SV2B: variants seen among roughly 807,000 people sequenced by gnomAD.
SV2B encodes the protein synaptic vesicle glycoprotein 2B.
SV2B carries 41 observed loss-of-function variants against 73.9 expected under a neutral mutation model. The ratio of observed to expected loss-of-function variants is 0.56; its 90% CI spans 0.43 to 0.72. The LOEUF (loss-of-function observed/expected upper bound fraction) is 0.72. Ranked by LOEUF, SV2B falls within the 30% of genes least tolerant of loss-of-function variation. SV2B has a pLI of 0.00. For synonymous variants in SV2B, 314 were observed against 314.2 expected (o/e 1.00, Z 0.01); for missense variants, 764 against 857.8 (o/e 0.89, Z 1.37).
At chr15:91,135,607 C>T (rs1334209260) in intron 1 of SV2B, among the ~76,000 whole-genome samples, 1 of 152,314 alleles carries the variant, frequency 6.6e-6, no homozygotes, top group South Asian at 2.1e-4. Flanking sequence ...CAGCGTCTGT[C>T]TGATATGAAA....
Position 91,268,498 on chromosome 15 carries a change from A to AT in SV2B, c.1267dup (p.Tyr423LeufsTer4). The AT allele has an allele frequency of 6.2e-7, 1 of 1,614,194 alleles. No homozygotes were observed. Among genetic ancestry groups the AT allele is most frequent in the South Asian group, 1.1e-5 (1 of 91,084 alleles). On this transcript the variant is annotated frameshift_variant, in exon 9 of 13. Transcript: ENST00000394232. LOFTEE classifies it high-confidence loss of function. The surrounding 1 kb of genome is among the most constrained non-coding windows in gnomAD (Gnocchi z 4.4). ...TGATCCGCTATTTTCAAGATGAAGAATACAAGTCTAAAATGAAGGTGTTTT... is the reference window on the plus strand; with the variant it reads ...TGATCCGCTATTTTCAAGATGAAGAATTACAAGTCTAAAATGAAGGTGTTTT...
intron 1 of SV2B, among the ~76,000 whole-genome samples, chr15:91,134,325 ACTT>A (rs2042751889): frequency 6.6e-6 from 1 of 151,562 alleles, no homozygotes; most frequent in Non-Finnish European, 1.5e-5. Flanking sequence ...TCATCACTCA[ACTT>A]CTTCTTTCCC....
At chr15:91,161,620 T>A (rs1191879647) in intron 1 of SV2B, among the ~76,000 whole-genome samples, 6 of 152,348 alleles carry the variant, frequency 3.9e-5, no homozygotes, top group Non-Finnish European at 7.3e-5. Flanking sequence ...GATGCCATTA[T>A]CATCCCCGTT....
chr15:91,207,499 T>C (rs11073986), intron 1 of SV2B, among the ~76,000 whole-genome samples: 31,114 of 151,908 alleles, frequency 0.2, 4,634 homozygotes, highest in African/African-American at 0.43. Flanking sequence ...GGAAACAATT[T>C]GTTCGCCGGC....
At chr15:91,170,203 T>C (rs966081239) in intron 1 of SV2B, among the ~76,000 whole-genome samples, 7 of 152,216 alleles carry the variant, frequency 4.6e-5, no homozygotes, top group Non-Finnish European at 1.5e-5. Flanking sequence ...CATGGGTTGG[T>C]ATAATTCCAG....
chr15:91,118,296 G>A lies in SV2B; in HGVS notation c.-392+17933G>A, dbSNP rs1386314563. Among the ~76,000 whole-genome samples the A allele has an allele frequency of 6.6e-6, 1 of 152,174 alleles. No individual in the cohort carries two copies. Among genetic ancestry groups the A allele is most frequent in the Non-Finnish European group, 1.5e-5 (1 of 68,042 alleles). On this transcript the variant is annotated intron_variant, in intron 1 of 12. Coordinates refer to ENST00000394232, the MANE Select transcript of SV2B (RefSeq NM_001323032.3). This position sits in a 1 kb window ranked among gnomAD's most constrained non-coding sequence, Gnocchi z 4.7. ...GAGAGTGCTTTAGAGGGTTTGATGT[G>A]TGCCCTGGAGTTTGGGGCATAGAAG... is the stretch of plus-strand genomic sequence containing the variant.
In SV2B at chr15:91,234,048, T is replaced by A. The variant is rs1042787592; in HGVS notation, c.451+7334T>A. ...AAATTCTGCATTTAATGTTGCAGCTTGTAGGGCTGGAAAAAACTCTACTAT... is the reference window on the plus strand; with the variant it reads ...AAATTCTGCATTTAATGTTGCAGCTAGTAGGGCTGGAAAAAACTCTACTAT... On this transcript the variant is annotated intron_variant, in intron 2 of 12. Coordinates refer to ENST00000394232, the MANE Select transcript of SV2B (RefSeq NM_001323032.3). This position sits in a 1 kb window ranked among gnomAD's most constrained non-coding sequence, Gnocchi z 5.6. Among the ~76,000 whole-genome samples the A allele has an allele frequency of 6.6e-6, 1 of 152,226 alleles. No homozygotes were observed. The highest frequency in any genetic ancestry group is 6.5e-5 in the Admixed American group (1 of 15,282).
chr15:91,191,614 T>C (rs2045034541), intron 1 of SV2B, among the ~76,000 whole-genome samples: 1 of 152,222 alleles, frequency 6.6e-6, no homozygotes, highest in African/African-American at 2.4e-5. Flanking sequence ...CAGCTCTGTA[T>C]TGAAGTCTCT....
intron 1 of SV2B, among the ~76,000 whole-genome samples, chr15:91,162,381 A>G (rs1030358719): frequency 3.4e-4 from 52 of 152,240 alleles, no homozygotes; most frequent in African/African-American, 1.2e-3. Context: ...ATATTTTGCT[A>G]CATCAAAATA....
chr15:91,220,617 C>A lies in SV2B; in HGVS notation c.-391-5256C>A, dbSNP rs539138782. ...GATTTTGAGTCATATAGCATAGATG[C>A]GGAGGCTAATAGAATGTAAAAGTTA... On this transcript the variant is annotated intron_variant, in intron 1 of 12. Transcript: ENST00000394232. This position sits in a 1 kb window ranked among gnomAD's most constrained non-coding sequence, Gnocchi z 4.1. Among the ~76,000 whole-genome samples the A allele has an allele frequency of 6.6e-6, 1 of 152,126 alleles. No homozygotes were observed. The highest frequency in any genetic ancestry group is 1.5e-5 in the Non-Finnish European group (1 of 68,024).
Position 91,298,818 on chromosome 15 carries a change from G to T in SV2B, c.*6266G>T, listed in dbSNP as rs574286927. ...TCACCACATTTGATGATTTTGCTAGGTAGGGAGGTTTATTTAATCACAGCT... is the reference window on the plus strand; with the variant it reads ...TCACCACATTTGATGATTTTGCTAGTTAGGGAGGTTTATTTAATCACAGCT... On this transcript the variant is annotated 3_prime_UTR_variant, in exon 13 of 13. Transcript: ENST00000394232. This position sits in a 1 kb window ranked among gnomAD's most constrained non-coding sequence, Gnocchi z 5.4. 12 of 152,274 alleles carry T rather than the reference G, an allele frequency of 7.9e-5. No homozygotes were observed. The highest frequency in any genetic ancestry group is 1.8e-4 in the Non-Finnish European group (12 of 68,030). 9.4% of individuals were successfully genotyped at this position (152,274 alleles called of 1,614,324 possible).
At position 91,290,085 on chromosome 15, in the gene SV2B, G is replaced by A. The variant is rs1374441003; in HGVS notation, c.1868+405G>A. ...AATAAAGGTCGGGAGGCAGCATGAAGTCCAGGGAATCTGCAGAGAATGTGG... is the reference window on the plus strand; with the variant it reads ...AATAAAGGTCGGGAGGCAGCATGAAATCCAGGGAATCTGCAGAGAATGTGG... On this transcript the variant is annotated intron_variant, in intron 12 of 12. Transcript: ENST00000394232. This position sits in a 1 kb window ranked among gnomAD's most constrained non-coding sequence, Gnocchi z 4.7. 2.6e-5 allele frequency among the ~76,000 whole-genome samples: 4 copies of A among 152,214 alleles called. No homozygotes were observed. Among genetic ancestry groups the A allele is most frequent in the Non-Finnish European group, 5.9e-5 (4 of 68,034 alleles).
chr15:91,289,671 C>A lies in SV2B; in HGVS notation c.1859C>A (p.Thr620Asn). Reference protein sequence around the residue: ...LDVITVELYPTNQRATAFGIL... With the variant: ...LDVITVELYPNNQRATAFGIL... ...GTGATCACAGTGGAGCTGTATCCCA[C>A]CAACCAGAGGTCAGTTCTTCCCCAG... Residue 620 changes from threonine to asparagine, a missense_variant, in exon 12 of 13, where the codon ACC becomes AAC. Thr to Asn is a moderately conservative substitution (Grantham distance 65, BLOSUM62 0). Coordinates refer to ENST00000394232, the MANE Select transcript of SV2B (RefSeq NM_001323032.3). This position sits in a 1 kb window ranked among gnomAD's most constrained non-coding sequence, Gnocchi z 4.9. 6.2e-7 allele frequency: 1 copy of A among 1,612,948 alleles called. No homozygotes were observed. Among genetic ancestry groups the A allele is most frequent in the Non-Finnish European group, 8.5e-7 (1 of 1,179,754 alleles).
Position 91,252,529 on chromosome 15 carries a change from T to A in SV2B, c.784+9T>A. On this transcript the variant is annotated intron_variant, in intron 4 of 12. Transcript: ENST00000394232. This position sits in a 1 kb window ranked among gnomAD's most constrained non-coding sequence, Gnocchi z 4.6. ...CATCATCCCACACTATGGTGAGTCA[T>A]GGCTCCAAACAGCCTAGGGGGCCCT... 6.3e-7 allele frequency: 1 copy of A among 1,595,362 alleles called. No individual in the cohort carries two copies.
At chr15:91,160,268 A>G (rs754161404) in intron 1 of SV2B, among the ~76,000 whole-genome samples, 35 of 152,224 alleles carry the variant, frequency 2.3e-4, no homozygotes, top group African/African-American at 4.8e-5. Flanking sequence ...GGCTGAGAAA[A>G]TTTTGATAAA....
chr15:91,293,777 G>T lies in SV2B; in HGVS notation c.*1225G>T, dbSNP rs968292244. On this transcript the variant is annotated 3_prime_UTR_variant, in exon 13 of 13. Transcript: ENST00000394232. ...AGGTCTCATGAGAAATCTATGCTATGTGTCCAGAGCTTTTGAAACAGAGTC... is the reference window on the plus strand; with the variant it reads ...AGGTCTCATGAGAAATCTATGCTATTTGTCCAGAGCTTTTGAAACAGAGTC... The T allele has an allele frequency of 6.6e-6, 1 of 152,234 alleles. No individual in the cohort carries two copies. Among genetic ancestry groups the T allele is most frequent in the African/African-American group, 2.4e-5 (1 of 41,462 alleles). 9.4% of individuals were successfully genotyped at this position (152,234 alleles called of 1,614,324 possible).
Position 91,265,710 on chromosome 15 carries a change from G to A in SV2B, c.1009-872G>A, listed in dbSNP as rs1048362702. On this transcript the variant is annotated intron_variant, in intron 6 of 12. Transcript: ENST00000394232. This position sits in a 1 kb window ranked among gnomAD's most constrained non-coding sequence, Gnocchi z 4.2. ...GAAGCTTCTCTGTCTGACCTCAGGC[G>A]GAAGATCATTTGCAAAGGCTGCATA... is the stretch of plus-strand genomic sequence containing the variant. Among the ~76,000 whole-genome samples, 17 of 152,308 alleles carry A rather than the reference G, an allele frequency of 1.1e-4. No homozygotes were observed. The highest frequency in any genetic ancestry group is 1.9e-4 in the East Asian group (1 of 5,168).
In SV2B at chr15:91,128,032, A is replaced by T. The variant is rs1477951368; in HGVS notation, c.-392+27669A>T. On this transcript the variant is annotated intron_variant, in intron 1 of 12. Coordinates refer to ENST00000394232, the MANE Select transcript of SV2B (RefSeq NM_001323032.3). The surrounding 1 kb of genome is among the most constrained non-coding windows in gnomAD (Gnocchi z 4.2). ...TCCCTCAGGTATTTGAACCTATTGC[A>T]CTGGAGAAAAAGAGAAAAATATACC... Among the ~76,000 whole-genome samples, 1 of 152,202 alleles carries T rather than the reference A, an allele frequency of 6.6e-6. No individual in the cohort carries two copies. The highest frequency in any genetic ancestry group is 1.5e-5 in the Non-Finnish European group (1 of 68,038).
In SV2B at chr15:91,252,031, C is replaced by T. The variant is rs749746440; in HGVS notation, c.632+32C>T. On this transcript the variant is annotated intron_variant, in intron 3 of 12. Transcript: ENST00000394232. The surrounding 1 kb of genome is among the most constrained non-coding windows in gnomAD (Gnocchi z 4.6). Reference sequence around the variant, plus strand: ...TCTTAGGGAGGTGGAGCTGGACCATCCCAGACCAATGGCCCATCCATTCTG... The same window carrying T: ...TCTTAGGGAGGTGGAGCTGGACCATTCCAGACCAATGGCCCATCCATTCTG... 6.2e-7 allele frequency: 1 copy of T among 1,608,144 alleles called. No homozygotes were observed. Among genetic ancestry groups the T allele is most frequent in the East Asian group, 2.2e-5 (1 of 44,812 alleles).
Sources: gnomAD v4.1 joint callset for allele counts (sites outside exome capture counted in the v4.1 genomes callset) on GRCh38, gnomAD v4.1.1 for gene constraint, Gnocchi (gnomAD v3.1) non-coding constraint, MANE v1.5 for transcripts, NCBI Gene and HGNC (gene_info 2026-07-23, HGNC 2026-07-21) for gene names.